Variants in PHACTR2 observed in about 807,000 individuals in gnomAD.
PHACTR2 encodes chromosome 6 open reading frame 56.
Under a neutral mutation model 76.0 loss-of-function variants are expected in PHACTR2, and 30 were observed. That is an observed-to-expected ratio of 0.39 (90% CI 0.30 to 0.54). The LOEUF is 0.54. Ranked by LOEUF, PHACTR2 falls within the 20% of genes least tolerant of loss-of-function variation. The pLI is 0.61. For missense variants in PHACTR2, 696 were observed against 781.1 expected, an observed-to-expected ratio of 0.89 and a Z score of 1.30; for synonymous variants, 292 against 292.5, an observed-to-expected ratio of 1.00 and a Z score of 0.02.
intron 6 of PHACTR2, among the ~76,000 whole-genome samples, chr6:143,770,130 A>C (rs1775064724): frequency 6.6e-6 from 1 of 152,234 alleles, no homozygotes; most frequent in Non-Finnish European, 1.5e-5. Flanking sequence ...GATAAACAAA[A>C]TGTGTTATAT....
chr6:143,823,553 A>G lies in PHACTR2; in HGVS notation c.1923-121A>G, dbSNP rs182818243. On this transcript the variant is annotated intron_variant, in intron 12 of 12. Coordinates refer to ENST00000440869, the MANE Select transcript of PHACTR2 (RefSeq NM_001100164.2). The surrounding 1 kb of genome is among the most constrained non-coding windows in gnomAD (Gnocchi z 5.7). Reference sequence around the variant, plus strand: ...TTATGACAGAAATTTGTAAACAGTAATTCAGTTGGGGGATATCTGGGGTAC... The same window carrying G: ...TTATGACAGAAATTTGTAAACAGTAGTTCAGTTGGGGGATATCTGGGGTAC... The G allele has an allele frequency of 4.6e-4, 311 of 676,122 alleles. 2 individuals are homozygous for G. The East Asian group carries it at 7.7e-3, about 17-fold the overall frequency. The allele number at this position is 676,122 out of a possible 1,614,324, so 41.9% of individuals were successfully genotyped here.
At chr6:143,593,154 A>G (rs1316501616) in intron 1 of PHACTR2, among the ~76,000 whole-genome samples, 2 of 151,812 alleles carry the variant, frequency 1.3e-5, no homozygotes, top group African/African-American at 2.4e-5. Context: ...TTGAACATCC[A>G]CTAGGCATCA....
intron 12 of PHACTR2, among the ~76,000 whole-genome samples, chr6:143,814,279 C>T (rs1178090402): frequency 6.6e-6 from 1 of 152,104 alleles, no homozygotes; most frequent in Non-Finnish European, 1.5e-5. Context: ...TTGCTTGAAC[C>T]TGGAAGGTGG....
chr6:143,577,708 G>A (rs9496683), intron 1 of PHACTR2, among the ~76,000 whole-genome samples: 93,703 of 151,658 alleles, frequency 0.62, 29,245 homozygotes, highest in Middle Eastern at 0.75. Context: ...GAAAATGTTT[G>A]GGTACCAGTG....
intron 2 of PHACTR2, among the ~76,000 whole-genome samples, chr6:143,718,862 G>A (rs1005261119): frequency 6.6e-6 from 1 of 151,128 alleles, no homozygotes; most frequent in Non-Finnish European, 1.5e-5. Context: ...TAAGAAGTTG[G>A]AAAGTTGGAA....
At position 143,664,028 on chromosome 6, in the gene PHACTR2, G is replaced by A. The variant is rs74935560; in HGVS notation, c.14-47988G>A. ...TCTCCTTATTATTGTGGATCTGTCCGTTTATCATTGTAATTCTGTTAGTTT... is the reference window on the plus strand; with the variant it reads ...TCTCCTTATTATTGTGGATCTGTCCATTTATCATTGTAATTCTGTTAGTTT... On this transcript the variant is annotated intron_variant, in intron 1 of 11. Transcript: ENST00000305766. The surrounding 1 kb of genome is among the most constrained non-coding windows in gnomAD (Gnocchi z 5.1). Among the ~76,000 whole-genome samples the A allele has an allele frequency of 0.015, 2,348 of 151,972 alleles. 43 individuals carry two copies. Among genetic ancestry groups the A allele is most frequent in the African/African-American group, 0.053 (2,204 of 41,454 alleles).
rs1365511821 is a variant in PHACTR2, at chr6:143,722,956, A to C, written c.214+10773A>C. Among the ~76,000 whole-genome samples, 3 of 152,224 alleles carry C rather than the reference A, an allele frequency of 2.0e-5. No homozygotes were observed. Among genetic ancestry groups the C allele is most frequent in the Non-Finnish European group, 4.4e-5 (3 of 68,042 alleles). ...GAATTTTATTCTTTTTTATGGCTGAATAGTATTCCATTATGGTGGAATAAT... is the reference window on the plus strand; with the variant it reads ...GAATTTTATTCTTTTTTATGGCTGACTAGTATTCCATTATGGTGGAATAAT... On this transcript the variant is annotated intron_variant, in intron 2 of 12. Coordinates refer to ENST00000440869, the MANE Select transcript of PHACTR2 (RefSeq NM_001100164.2). This position sits in a 1 kb window ranked among gnomAD's most constrained non-coding sequence, Gnocchi z 4.1.
chr6:143,703,484 T>C lies in PHACTR2; in HGVS notation c.47-8532T>C, dbSNP rs562432307. Among the ~76,000 whole-genome samples the C allele has an allele frequency of 7.0e-4, 106 of 152,298 alleles. 1 individual carries two copies. Among genetic ancestry groups the C allele is most frequent in the Non-Finnish European group, 1.2e-4 (8 of 68,028 alleles). On this transcript the variant is annotated intron_variant, in intron 1 of 12. Coordinates refer to ENST00000440869, the MANE Select transcript of PHACTR2 (RefSeq NM_001100164.2). ...CTTTCAAGTGATGGGGGAATGGAAA[T>C]TGGCAAATTGGGAGGCATGTATGAA...
Position 143,585,059 on chromosome 6 carries a change from G to A in PHACTR2, c.217+47852G>A, listed in dbSNP as rs891197774. On this transcript the variant is annotated intron_variant, in intron 1 of 11. Transcript: ENST00000367584. The surrounding 1 kb of genome is among the most constrained non-coding windows in gnomAD (Gnocchi z 5.2). ...GCTGTCATAACTCAAGTTGTTGGGG[G>A]ACACATGACTATTTAAGCAGCAATT... is the stretch of plus-strand genomic sequence containing the variant. Among the ~76,000 whole-genome samples the A allele has an allele frequency of 6.6e-6, 1 of 151,892 alleles. No individual in the cohort carries two copies. Among genetic ancestry groups the A allele is most frequent in the African/African-American group, 2.4e-5 (1 of 41,354 alleles).
rs1171204409 is a variant in PHACTR2 at position 143,646,138 on chromosome 6, T to G, written c.13+37816T>G. On this transcript the variant is annotated intron_variant, in intron 1 of 11. Transcript: ENST00000305766. The surrounding 1 kb of genome is among the most constrained non-coding windows in gnomAD (Gnocchi z 4.1). ...CTCCAGTCCTTAAACAGGCATTCAA[T>G]GAGCATCTCTTATGTCTGAGGTCAT... Among the ~76,000 whole-genome samples the G allele has an allele frequency of 6.6e-6, 1 of 152,184 alleles. No homozygotes were observed. The highest frequency in any genetic ancestry group is 1.5e-5 in the Non-Finnish European group (1 of 68,022).
Position 143,806,435 on chromosome 6 carries a change from G to A in PHACTR2, c.1846-622G>A, listed in dbSNP as rs563644272. Among the ~76,000 whole-genome samples, 1 of 152,308 alleles carries A rather than the reference G, an allele frequency of 6.6e-6. No individual in the cohort carries two copies. The highest frequency in any genetic ancestry group is 2.4e-5 in the African/African-American group (1 of 41,564). On this transcript the variant is annotated intron_variant, in intron 11 of 12. Transcript: ENST00000440869. This position sits in a 1 kb window ranked among gnomAD's most constrained non-coding sequence, Gnocchi z 5.8. ...CATGTTGTTGTAGGCAATATTCTATGTAGAACTTTCCATAGGAAAATGGTA... is the reference window on the plus strand; with the variant it reads ...CATGTTGTTGTAGGCAATATTCTATATAGAACTTTCCATAGGAAAATGGTA...
At chr6:143,748,932 T>C in intron 2 of PHACTR2, 53 bp from the exon 3 acceptor site, 1 of 930,868 alleles carries the variant, frequency 1.1e-6, no homozygotes, top group Non-Finnish European at 1.7e-6. Context: ...ATGTTTTTCA[T>C]AATTATCTTA....
At chr6:143,568,152 C>G (rs114965399) in intron 1 of PHACTR2, among the ~76,000 whole-genome samples, 1,629 of 152,236 alleles carry the variant, frequency 0.011, 28 homozygotes, top group African/African-American at 0.037. Context: ...AACAAAACCA[C>G]TGAGTAGTGA....
chr6:143,613,970 C>T (rs1353332086), intron 1 of PHACTR2, among the ~76,000 whole-genome samples: 1 of 152,208 alleles, frequency 6.6e-6, no homozygotes, highest in Non-Finnish European at 1.5e-5. Flanking sequence ...CATCTGTGAT[C>T]TCAGCACTTG....
chr6:143,818,546 G>A lies in PHACTR2; in HGVS notation c.1923-5128G>A, dbSNP rs1369427328. On this transcript the variant is annotated intron_variant, in intron 12 of 12. Coordinates refer to ENST00000440869, the MANE Select transcript of PHACTR2 (RefSeq NM_001100164.2). This position sits in a 1 kb window ranked among gnomAD's most constrained non-coding sequence, Gnocchi z 4.9. Reference sequence around the variant, plus strand: ...CTGTGTATTAGTCCATTCTCATGCTGTTATAAGGACATACCCGAGACTGGG... The same window carrying A: ...CTGTGTATTAGTCCATTCTCATGCTATTATAAGGACATACCCGAGACTGGG... Among the ~76,000 whole-genome samples, 1 of 152,220 alleles carries A rather than the reference G, an allele frequency of 6.6e-6. No homozygotes were observed. The highest frequency in any genetic ancestry group is 1.5e-5 in the Non-Finnish European group (1 of 68,042).
At chr6:143,544,945 TG>T (rs1201042293) in intron 1 of PHACTR2, among the ~76,000 whole-genome samples, 48 of 136,468 alleles carry the variant, frequency 3.5e-4, no homozygotes, top group Non-Finnish European at 7.5e-4. Flanking sequence ...GAGAGATTTT[TG>T]TTTTTTTTTT....
Position 143,618,715 on chromosome 6 carries a change from G to A in PHACTR2, c.13+10393G>A, listed in dbSNP as rs1776100729. ...ATGTCCCCTATTGCCATATTGCAAA[G>A]CCTCCTCCTTGTCTTAGCCTCAGCT... is the stretch of plus-strand genomic sequence containing the variant. On this transcript the variant is annotated intron_variant, in intron 1 of 11. Coordinates refer to the PHACTR2 transcript ENST00000305766. The surrounding 1 kb of genome is among the most constrained non-coding windows in gnomAD (Gnocchi z 5.2). Among the ~76,000 whole-genome samples, 1 of 152,004 alleles carries A rather than the reference G, an allele frequency of 6.6e-6. No homozygotes were observed.
chr6:143,727,580 C>T (rs1193649334), intron 2 of PHACTR2, among the ~76,000 whole-genome samples: 1 of 125,648 alleles, frequency 8.0e-6, no homozygotes, highest in Non-Finnish European at 1.6e-5. Flanking sequence ...TTCTTACCAA[C>T]ACCGTGTAAG....
chr6:143,696,731 GT>G lies in PHACTR2; in HGVS notation c.47-15284del, dbSNP rs1385343157. On this transcript the variant is annotated intron_variant, in intron 1 of 12. Coordinates refer to ENST00000440869, the MANE Select transcript of PHACTR2 (RefSeq NM_001100164.2). This position sits in a 1 kb window ranked among gnomAD's most constrained non-coding sequence, Gnocchi z 4.1. Reference sequence around the variant, plus strand: ...TAAGCATACGCAAAGTCATATCAGGGTGACACATAGCTAAAGAGTTAAACAA... The same window carrying G: ...TAAGCATACGCAAAGTCATATCAGGGGACACATAGCTAAAGAGTTAAACAA... Among the ~76,000 whole-genome samples, 1 of 152,134 alleles carries G rather than the reference GT, an allele frequency of 6.6e-6. No individual in the cohort carries two copies. The highest frequency in any genetic ancestry group is 1.5e-5 in the Non-Finnish European group (1 of 68,030).
Sources: gnomAD v4.1 joint callset for allele counts (sites outside exome capture counted in the v4.1 genomes callset) on GRCh38, gnomAD v4.1.1 for gene constraint, Gnocchi (gnomAD v3.1) non-coding constraint, MANE v1.5 for transcripts, NCBI Gene and HGNC (gene_info 2026-07-23, HGNC 2026-07-21) for gene names.